Variants in MS4A8 observed in about 807,000 individuals in gnomAD.
MS4A8 encodes membrane-spanning 4-domains subfamily A member 8.
MS4A8 carries 27 observed loss-of-function variants against 23.7 expected under a neutral mutation model. The observed-to-expected ratio is 1.14, with a 90% CI of 0.84 to 1.57. The LOEUF (loss-of-function observed/expected upper bound fraction) is 1.57, where lower values mean the gene tolerates loss of function less well. Ranked by LOEUF, MS4A8 falls within the 40% of genes most tolerant of loss-of-function variation. MS4A8 has a pLI of 0.00. For synonymous variants in MS4A8, 138 were observed against 126.3 expected (o/e 1.09, Z -0.62); for missense variants, 301 against 311.4 (o/e 0.97, Z 0.25).
intron 2 of MS4A8, among the ~76,000 whole-genome samples, chr11:60,702,550 C>G (rs1390837422): frequency 2.0e-5 from 3 of 152,150 alleles, no homozygotes; most frequent in Non-Finnish European, 2.9e-5. Flanking sequence ...TTACAGGCAC[C>G]CACCATCATG....
Position 60,715,043 on chromosome 11 carries a change from G to A in MS4A8, c.557G>A (p.Gly186Asp). ...CAGAACCCTGGAATGGCGATTTCTG[G>A]CGTGCTGCTGGTCTTCTGCCTCCTG... ...WGVNPGMAIS[G>D]VLLVFCLLEF... The change falls in exon 6 of 7, where the codon GGC becomes GAC. Residue 186 changes from glycine to aspartate, a missense_variant. By Grantham distance (94) the Gly-to-Asp change is moderately conservative. Coordinates refer to ENST00000300226, the MANE Select transcript of MS4A8 (RefSeq NM_031457.2). 4 of 1,614,082 alleles carry A rather than the reference G, an allele frequency of 2.5e-6. No individual in the cohort carries two copies. The highest frequency in any genetic ancestry group is 3.4e-6 in the Non-Finnish European group (4 of 1,179,986).
chr11:60,706,942 A>G, intron 3 of MS4A8, 46 bp from the exon 4 acceptor site: 1 of 1,559,730 alleles, frequency 6.4e-7, no homozygotes, highest in South Asian at 1.1e-5. Context: ...GGGGAAGGGC[A>G]CCCTAGCCCC....
At position 60,715,702 on chromosome 11, in the gene MS4A8, G is replaced by A. The variant is rs978797079; in HGVS notation, c.*288G>A. 12 of 415,952 alleles carry A rather than the reference G, an allele frequency of 2.9e-5. No homozygotes were observed. The highest frequency in any genetic ancestry group is 4.9e-5 in the East Asian group (1 of 20,236). The allele number at this position is 415,952 out of a possible 1,614,324, so 25.8% of individuals were successfully genotyped here. The stretch of plus-strand genomic sequence containing the variant: ...CTGGGGCCTTGGCACACACACATTC[G>A]TGTGCTCTGCTGCATGTGAGCTTGT... On this transcript the variant is annotated 3_prime_UTR_variant, in exon 7 of 7. Transcript: ENST00000300226.
At chr11:60,699,841 A>G (rs1175267769) in intron 1 of MS4A8, 66 bp downstream of exon 1, 1 of 152,284 alleles carries the variant, frequency 6.6e-6, no homozygotes, top group Non-Finnish European at 1.5e-5. Context: ...ACCAAGTGAG[A>G]CTTACGGCGA....
chr11:60,708,469 A>G (rs890476705), intron 4 of MS4A8, among the ~76,000 whole-genome samples, 181 bp from the exon 5 acceptor site: 1 of 152,234 alleles, frequency 6.6e-6, no homozygotes, highest in Non-Finnish European at 1.5e-5. Flanking sequence ...ACAGCATTGT[A>G]GATGTGTTTA....
rs1245958477 is a variant in MS4A8, at chr11:60,704,116, CT to C, written c.342+638del. ...TCAAAAGGGATGTATTTTCTTTTTA[CT>C]TTTTTTTTTTTTTTTTTTTTTGAGA... On this transcript the variant is annotated intron_variant, in intron 3 of 6. Transcript: ENST00000300226. Among the ~76,000 whole-genome samples the C allele has an allele frequency of 9.6e-3, 1,217 of 126,832 alleles. 6 individuals are homozygous for C. Among genetic ancestry groups the C allele is most frequent in the African/African-American group, 0.029 (916 of 31,564 alleles). 83.2% of individuals were successfully genotyped at this position (126,832 alleles called of 152,430 possible). A position where few individuals can be genotyped will look rare whatever the true frequency, so the allele number is the denominator to read the frequency against.
At chr11:60,707,812 C>CTTTTTTTTTTTTTTTTTTTT (rs5792195) in intron 4 of MS4A8, among the ~76,000 whole-genome samples, 11 of 55,138 alleles carry the variant, frequency 2.0e-4, no homozygotes, top group African/African-American at 3.1e-4. Flanking sequence ...TTTTCTTTTT[C>CTTTTTTTTTTTTTTTTTTTT]TTTTTTTTTT....
chr11:60,705,531 A>G (rs1445971120), intron 3 of MS4A8, among the ~76,000 whole-genome samples: 1 of 152,252 alleles, frequency 6.6e-6, no homozygotes, highest in Non-Finnish European at 1.5e-5. Context: ...CTCTTCTGAA[A>G]CAAAGGCTCA....
Position 60,703,449 on chromosome 11 carries a change from A to G in MS4A8, c.291A>G (p.Glu97=). Residue 97 remains glutamate (E), a synonymous_variant, in exon 3 of 7, where the codon GAA becomes GAG. Coordinates refer to ENST00000300226, the MANE Select transcript of MS4A8 (RefSeq NM_031457.2). ...GSIMATVLVG[E]YLSISFYGGF... ...TCATGGCGACGGTTCTCGTAGGGGA[A>G]TACCTGTCTATTTCATTCTACGGAG... 6.2e-7 allele frequency: 1 copy of G among 1,608,654 alleles called. No individual in the cohort carries two copies. Among genetic ancestry groups the G allele is most frequent in the Non-Finnish European group, 8.5e-7 (1 of 1,177,722 alleles).
Position 60,708,790 on chromosome 11 carries a change from C to G in MS4A8, c.534+9C>G, listed in dbSNP as rs758053690. 4 of 1,613,722 alleles carry G rather than the reference C, an allele frequency of 2.5e-6. No homozygotes were observed. The highest frequency in any genetic ancestry group is 1.3e-5 in the African/African-American group (1 of 74,918). ...CTTACGCCTGGGGTGTGGTGAGTAT[C>G]CCTCTCAACCAAAGATCCTCTAAGT... On this transcript the variant is annotated intron_variant, in intron 5 of 6. Coordinates refer to ENST00000300226, the MANE Select transcript of MS4A8 (RefSeq NM_031457.2).
Position 60,715,574 on chromosome 11 carries a change from A to C in MS4A8, c.*160A>C, listed in dbSNP as rs924957388. On this transcript the variant is annotated 3_prime_UTR_variant, in exon 7 of 7. Transcript: ENST00000300226. ...ATTCTTCAATTCAGTCTAGGAAACC[A>C]TGCTGTTTCTCTATCAAGAAGAAGA... 3.4e-5 allele frequency: 21 copies of C among 614,130 alleles called. No homozygotes were observed. In the Admixed American group the frequency reaches 3.8e-4, roughly 11 times the overall value. The allele number at this position is 614,130 out of a possible 1,614,324, so 38.0% of individuals were successfully genotyped here.
At chr11:60,704,190 G>A (rs888112206) in intron 3 of MS4A8, among the ~76,000 whole-genome samples, 8 of 143,226 alleles carry the variant, frequency 5.6e-5, no homozygotes, top group South Asian at 4.4e-4. Flanking sequence ...GTGCAATCTC[G>A]GCTCACCGCA....
chr11:60,713,909 CTTTTTTTT>C (rs1170997070), intron 5 of MS4A8, among the ~76,000 whole-genome samples: 1 of 101,942 alleles, frequency 9.8e-6, no homozygotes, highest in East Asian at 2.7e-4. Context: ...GGTGATGACT[CTTTTTTTT>C]TTTTTTTTTT....
At chr11:60,703,255 G>T (rs2088221271) in intron 2 of MS4A8, 123 bp from the exon 3 acceptor site, 2 of 1,157,238 alleles carry the variant, frequency 1.7e-6, no homozygotes, top group Non-Finnish European at 2.3e-6. Context: ...TTTCATTTTT[G>T]TATTTCCCAT....
intron 5 of MS4A8, chr11:60,712,234 C>A: frequency 1.4e-6 from 1 of 692,336 alleles, no homozygotes; most frequent in Non-Finnish European, 1.8e-6. Flanking sequence ...TGAACCTCTC[C>A]CTCCTCAGTG....
chr11:60,714,635 C>G (rs1590956439), intron 5 of MS4A8, among the ~76,000 whole-genome samples: 1 of 152,004 alleles, frequency 6.6e-6, no homozygotes, highest in Non-Finnish European at 1.5e-5. Flanking sequence ...TCTTTTTCCT[C>G]TAACCATCTC....
At chr11:60,707,729 C>T (rs1166982739) in intron 4 of MS4A8, among the ~76,000 whole-genome samples, 2 of 152,032 alleles carry the variant, frequency 1.3e-5, no homozygotes, top group African/African-American at 4.8e-5. Flanking sequence ...CATCCCAAGA[C>T]ACTTGGGCTA....
rs751837079 is a variant in MS4A8, at chr11:60,715,121, G to C, written c.635G>C (p.Cys212Ser). Residue 212 changes from cysteine to serine, a missense_variant, in exon 6 of 7, where the codon TGT (cysteine) becomes TCT (serine). Physicochemically the swap from Cys to Ser is moderately radical, Grantham distance 112. Coordinates refer to ENST00000300226, the MANE Select transcript of MS4A8 (RefSeq NM_031457.2). ...CACTTTGGCTGCCAGTTGGTCTGCT[G>C]TCAATCAAGCAATGTGAGTCCCAGG... ...SSHFGCQLVC[C>S]QSSNVSVIYP... 30 of 1,613,514 alleles carry C rather than the reference G, an allele frequency of 1.9e-5. No homozygotes were observed. The highest frequency in any genetic ancestry group is 2.5e-5 in the Non-Finnish European group (30 of 1,179,578).
chr11:60,700,369 A>C (rs964427412), intron 1 of MS4A8, among the ~76,000 whole-genome samples: 1 of 151,320 alleles, frequency 6.6e-6, no homozygotes, highest in Admixed American at 6.6e-5. Context: ...AACAGGGGGA[A>C]ACCCCATCTC....
Sources: allele counts gnomAD v4.1 joint callset (sites outside exome capture counted in the v4.1 genomes callset), GRCh38; gene constraint gnomAD v4.1.1; transcripts MANE v1.5; gene names NCBI Gene and HGNC (gene_info 2026-07-23, HGNC 2026-07-21).